CPM: variants seen among roughly 807,000 people sequenced by gnomAD.
The protein encoded by CPM is renal carboxypeptidase.
In CPM, 35 loss-of-function variants were observed where a neutral mutation model predicts 46.4. The observed-to-expected ratio is 0.75, with a 90% CI of 0.58 to 1.00. The LOEUF (loss-of-function observed/expected upper bound fraction) is 1.00. Among genes scored for constraint, CPM ranks in the 50% least tolerant of loss-of-function variants. The pLI, the probability that CPM is intolerant of heterozygous loss-of-function variation, is 0.00. For missense variants in CPM, 422 were observed against 530.4 expected (o/e 0.80, Z 2.01); for synonymous variants, 195 against 195.3 (o/e 1.00, Z 0.01).
intron 2 of CPM, among the ~76,000 whole-genome samples, chr12:68,926,479 C>T (rs1186452255): frequency 2.0e-5 from 3 of 152,070 alleles, no homozygotes; most frequent in Non-Finnish European, 4.4e-5. Flanking sequence ...AACCATGGTC[C>T]TAAAACCCTC....
At chr12:68,877,932 CTG>C (rs964216963) in intron 3 of CPM, among the ~76,000 whole-genome samples, 1 of 152,240 alleles carries the variant, frequency 6.6e-6, no homozygotes, top group Non-Finnish European at 1.5e-5. Flanking sequence ...ATCTCATCAA[CTG>C]TCTCTTATAC....
At chr12:68,917,910 A>C (rs1887876854) in intron 2 of CPM, among the ~76,000 whole-genome samples, 1 of 152,160 alleles carries the variant, frequency 6.6e-6, no homozygotes, top group East Asian at 1.9e-4. Flanking sequence ...TGCATTCCTG[A>C]GAAACATGTG....
intron 3 of CPM, among the ~76,000 whole-genome samples, chr12:68,875,585 C>T (rs1238475630): frequency 2.6e-5 from 4 of 152,014 alleles, no homozygotes; most frequent in African/African-American, 4.8e-5. Flanking sequence ...GCAGGCAGAT[C>T]GCCTGAGGTA....
chr12:68,861,803 C>T (rs1308142760), intron 7 of CPM, among the ~76,000 whole-genome samples: 2 of 149,144 alleles, frequency 1.3e-5, no homozygotes, highest in Admixed American at 1.4e-4. Flanking sequence ...GCTGGGATTA[C>T]AGGCGTGAGC....
intron 1 of CPM, among the ~76,000 whole-genome samples, chr12:68,961,892 T>C (rs1188820383): frequency 6.6e-6 from 1 of 152,084 alleles, no homozygotes; most frequent in Non-Finnish European, 1.5e-5. Flanking sequence ...CTTTTTAAAA[T>C]AGGTTTTAAA....
In CPM at chr12:68,851,971, A is replaced by G. The variant is rs1451632920; in HGVS notation, c.*4466T>C. 1 of 152,236 alleles carries G rather than the reference A, an allele frequency of 6.6e-6. No individual in the cohort carries two copies. Among genetic ancestry groups the G allele is most frequent in the Non-Finnish European group, 1.5e-5 (1 of 68,050 alleles). 9.4% of individuals were successfully genotyped at this position (152,236 alleles called of 1,614,324 possible). ...AGACTTCTCAATAAGCAACTTATCT[A>G]TTGCAGTAAGACAATATGCTATGCT... On this transcript the variant is annotated 3_prime_UTR_variant, in exon 9 of 9. Coordinates refer to ENST00000551568, the MANE Select transcript of CPM (RefSeq NM_198320.5).
chr12:68,928,537 A>G (rs1048568284), intron 2 of CPM, among the ~76,000 whole-genome samples: 1 of 152,214 alleles, frequency 6.6e-6, no homozygotes, highest in Non-Finnish European at 1.5e-5. Flanking sequence ...GTAAATGAGG[A>G]TAAGGCCTAC....
At chr12:68,927,280 A>G (rs1592703566) in intron 2 of CPM, among the ~76,000 whole-genome samples, 1 of 150,892 alleles carries the variant, frequency 6.6e-6, no homozygotes, top group Non-Finnish European at 1.5e-5. Context: ...ATGGTATCTC[A>G]TTGTGGTTTT....
At chr12:68,857,523 GCTTT>G (rs1592630733) in intron 8 of CPM, among the ~76,000 whole-genome samples, 1 of 151,836 alleles carries the variant, frequency 6.6e-6, no homozygotes, top group African/African-American at 2.4e-5. Flanking sequence ...CTTTGGTTAG[GCTTT>G]CTTTTTTTTT....
chr12:68,923,600 T>C (rs1412138619), intron 2 of CPM, among the ~76,000 whole-genome samples: 1 of 152,186 alleles, frequency 6.6e-6, no homozygotes, highest in Non-Finnish European at 1.5e-5. Context: ...TTTACATACA[T>C]AATTTCAAAA....
At chr12:68,948,634 TTGG>T (rs1254995455) in intron 1 of CPM, among the ~76,000 whole-genome samples, 1 of 152,200 alleles carries the variant, frequency 6.6e-6, no homozygotes, top group Non-Finnish European at 1.5e-5. Context: ...AGAATGAAGC[TTGG>T]TTGCCTGCAT....
At chr12:68,932,585 C>A in intron 2 of CPM, 93 bp downstream of exon 2, 2 of 1,422,306 alleles carry the variant, frequency 1.4e-6, no homozygotes, top group South Asian at 2.5e-5. Context: ...AGAGTAGGTG[C>A]GTGGAAGAGC....
intron 5 of CPM, chr12:68,842,409 T>G (rs1883850691): frequency 4.2e-6 from 2 of 477,466 alleles, no homozygotes; most frequent in Non-Finnish European, 8.3e-6. Context: ...TCTATAACCA[T>G]TTCTATATTT....
chr12:68,843,715 CTG>C (rs1034744929), intron 5 of CPM: 45 of 215,652 alleles, frequency 2.1e-4, no homozygotes, highest in Middle Eastern at 2.8e-3. Flanking sequence ...CTCTCTCTCT[CTG>C]TCTGTCTCAA....
intron 1 of CPM, among the ~76,000 whole-genome samples, chr12:68,938,679 A>G (rs1338806583): frequency 1.3e-5 from 2 of 152,020 alleles, no homozygotes; most frequent in Non-Finnish European, 2.9e-5. Flanking sequence ...AATTTAAAAA[A>G]TGTTAAAAAG....
intron 2 of CPM, among the ~76,000 whole-genome samples, chr12:68,923,934 A>G (rs563659452): frequency 1.3e-5 from 2 of 152,258 alleles, no homozygotes; most frequent in East Asian, 3.9e-4. Context: ...TTGGGGGGAA[A>G]TATTTTGTAT....
chr12:68,924,004 T>C (rs966181974), intron 2 of CPM, among the ~76,000 whole-genome samples: 5 of 152,068 alleles, frequency 3.3e-5, no homozygotes, highest in African/African-American at 4.8e-5. Flanking sequence ...TCTTACCCTA[T>C]GGAGGACATT....
At chr12:68,961,953 C>T (rs1435599334) in intron 1 of CPM, among the ~76,000 whole-genome samples, 1 of 152,130 alleles carries the variant, frequency 6.6e-6, no homozygotes, top group Non-Finnish European at 1.5e-5. Context: ...GTAATCCCAG[C>T]ACTTTGGGAG....
intron 1 of CPM, among the ~76,000 whole-genome samples, chr12:68,959,384 C>T (rs1317670602): frequency 6.6e-6 from 1 of 152,076 alleles, no homozygotes; most frequent in Non-Finnish European, 1.5e-5. Context: ...ATTCCAGTGG[C>T]CACTGCCTTA....
Sources: gnomAD v4.1 joint callset for allele counts (sites outside exome capture counted in the v4.1 genomes callset) on GRCh38, gnomAD v4.1.1 for gene constraint, MANE v1.5 for transcripts, NCBI Gene and HGNC (gene_info 2026-07-23, HGNC 2026-07-21) for gene names.